Variants in DNER observed in about 807,000 individuals in gnomAD.
DNER encodes the protein delta and Notch-like epidermal growth factor-related receptor.
In DNER, 33 loss-of-function variants were observed where a neutral mutation model predicts 78.2. That is an observed-to-expected ratio of 0.42 (90% CI 0.32 to 0.56). The LOEUF is 0.56. Ranked by LOEUF, DNER falls within the 20% of genes least tolerant of loss-of-function variation. The pLI is 0.11. For synonymous variants in DNER, 417 were observed against 384.8 expected, an observed-to-expected ratio of 1.08 and a Z score of -0.98; for missense variants, 918 against 975.3, an observed-to-expected ratio of 0.94 and a Z score of 0.78.
intron 1 of DNER, among the ~76,000 whole-genome samples, chr2:229,712,044 A>G (rs1699920194): frequency 6.6e-6 from 1 of 152,178 alleles, no homozygotes; most frequent in South Asian, 2.1e-4. Flanking sequence ...ACCAAGTCCA[A>G]TCAAGTTCCA....
intron 8 of DNER, among the ~76,000 whole-genome samples, chr2:229,432,963 G>T (rs1036503248): frequency 1.4e-4 from 22 of 152,204 alleles, no homozygotes; most frequent in Middle Eastern, 3.4e-3. Flanking sequence ...GTTTTGAGAT[G>T]GAGTTTCACT....
intron 1 of DNER, among the ~76,000 whole-genome samples, chr2:229,655,666 T>C (rs1313925296): frequency 6.6e-6 from 1 of 152,162 alleles, no homozygotes; most frequent in Non-Finnish European, 1.5e-5. Context: ...GTCATGTCCA[T>C]GTCCTAACCC....
At chr2:229,621,542 G>T (rs1477707804) in intron 1 of DNER, among the ~76,000 whole-genome samples, 2 of 151,326 alleles carry the variant, frequency 1.3e-5, no homozygotes, top group Non-Finnish European at 2.9e-5. Flanking sequence ...GATGCACCTG[G>T]CCTCACCCTC....
At chr2:229,571,962 C>T (rs969941373) in intron 4 of DNER, among the ~76,000 whole-genome samples, 1 of 152,124 alleles carries the variant, frequency 6.6e-6, no homozygotes. Flanking sequence ...ACCAGCACCC[C>T]CTCCTCTACT....
intron 7 of DNER, 92 bp from the exon 8 acceptor site, chr2:229,447,632 CAATT>C: frequency 7.7e-7 from 1 of 1,299,540 alleles, no homozygotes; most frequent in South Asian, 1.4e-5. Context: ...ATATGCATAA[CAATT>C]AATTCATTCA....
Position 229,631,505 on chromosome 2 carries a change from G to A in DNER, c.277-39617C>T, listed in dbSNP as rs1443765222. On this transcript the variant is annotated intron_variant, in intron 1 of 12. Coordinates refer to ENST00000341772, the MANE Select transcript of DNER (RefSeq NM_139072.4). Reference sequence around the variant, plus strand: ...ACATTGCTGATGGAGCTTTCTTGGGGAGTAGAATTAGATCAGAAGAAAGAA... The same window carrying A: ...ACATTGCTGATGGAGCTTTCTTGGGAAGTAGAATTAGATCAGAAGAAAGAA... 2.0e-5 allele frequency among the ~76,000 whole-genome samples: 3 copies of A among 152,288 alleles called. No homozygotes were observed. In the East Asian group the frequency reaches 5.8e-4, roughly 29 times the overall value.
chr2:229,606,824 C>T (rs1324851273), intron 1 of DNER, among the ~76,000 whole-genome samples: 2 of 152,136 alleles, frequency 1.3e-5, no homozygotes, highest in Non-Finnish European at 2.9e-5. Context: ...ACCCAGGAGG[C>T]GGAGGTTGCG....
intron 8 of DNER, among the ~76,000 whole-genome samples, chr2:229,443,302 G>A (rs1694274695): frequency 6.6e-6 from 1 of 152,146 alleles, no homozygotes; most frequent in South Asian, 2.1e-4. Flanking sequence ...ATTATCTGCA[G>A]AGGCCACCAT....
At chr2:229,630,665 G>C (rs1036302521) in intron 1 of DNER, among the ~76,000 whole-genome samples, 1 of 151,898 alleles carries the variant, frequency 6.6e-6, no homozygotes, top group Non-Finnish European at 1.5e-5. Flanking sequence ...TTTAGATTCA[G>C]AGGGTACATG....
intron 1 of DNER, among the ~76,000 whole-genome samples, chr2:229,600,450 C>T (rs917109793): frequency 6.6e-6 from 1 of 152,164 alleles, no homozygotes; most frequent in Non-Finnish European, 1.5e-5. Flanking sequence ...AGAAAACTAT[C>T]TTGAACTGGG....
intron 4 of DNER, among the ~76,000 whole-genome samples, chr2:229,563,600 C>T (rs1454492384): frequency 6.9e-6 from 1 of 143,958 alleles, no homozygotes; most frequent in Non-Finnish European, 1.5e-5. Context: ...ACATCATCAC[C>T]CCATCACCAT....
At chr2:229,604,921 C>T (rs764042334) in intron 1 of DNER, among the ~76,000 whole-genome samples, 1 of 152,048 alleles carries the variant, frequency 6.6e-6, no homozygotes, top group Non-Finnish European at 1.5e-5. Flanking sequence ...CCCTAGATAT[C>T]CAGTACCAAT....
chr2:229,409,991 AC>A (rs1464001724), intron 9 of DNER, among the ~76,000 whole-genome samples: 1 of 152,040 alleles, frequency 6.6e-6, no homozygotes, highest in Non-Finnish European at 1.5e-5. Context: ...ATCCACTCAA[AC>A]CCTCCTCCTC....
intron 10 of DNER, among the ~76,000 whole-genome samples, chr2:229,390,173 T>C (rs921399494): frequency 6.6e-6 from 1 of 152,222 alleles, no homozygotes; most frequent in Non-Finnish European, 1.5e-5. Context: ...TACTAAACAA[T>C]AGCTTTCTTT....
At chr2:229,624,495 CT>C (rs1295629744) in intron 1 of DNER, among the ~76,000 whole-genome samples, 1 of 66,852 alleles carries the variant, frequency 1.5e-5, no homozygotes, top group Non-Finnish European at 4.4e-5. Context: ...ATATAATAAA[CT>C]AAAAAAAAAA....
chr2:229,542,132 G>A (rs542615081), intron 5 of DNER, among the ~76,000 whole-genome samples: 1 of 151,810 alleles, frequency 6.6e-6, no homozygotes, highest in Non-Finnish European at 1.5e-5. Context: ...CAAGAGCCCC[G>A]TGCTGATGCC....
At chr2:229,692,497 A>G (rs1699595479) in intron 1 of DNER, among the ~76,000 whole-genome samples, 1 of 152,248 alleles carries the variant, frequency 6.6e-6, no homozygotes, top group African/African-American at 2.4e-5. Flanking sequence ...ACAAGTGATT[A>G]TGCAAGTTGA....
At chr2:229,445,711 C>T (rs989960355) in intron 8 of DNER, among the ~76,000 whole-genome samples, 3 of 152,280 alleles carry the variant, frequency 2.0e-5, no homozygotes, top group Admixed American at 1.3e-4. Context: ...AGCTTCCCTA[C>T]GGATTTTGGA....
intron 5 of DNER, among the ~76,000 whole-genome samples, chr2:229,544,701 T>A (rs1696585646): frequency 6.6e-6 from 1 of 151,854 alleles, no homozygotes; most frequent in Non-Finnish European, 1.5e-5. Context: ...CCTGGCTAAT[T>A]TTTTGTATTT....
Sources: allele counts gnomAD v4.1 joint callset (sites outside exome capture counted in the v4.1 genomes callset), GRCh38; gene constraint gnomAD v4.1.1; transcripts MANE v1.5; gene names NCBI Gene and HGNC (gene_info 2026-07-23, HGNC 2026-07-21).